DPP9: variants seen among roughly 807,000 people sequenced by gnomAD.
DPP9 encodes dipeptidyl peptidase IV-related protein-2.
Under a neutral mutation model 110.7 loss-of-function variants are expected in DPP9, and 50 were observed. The ratio of observed to expected loss-of-function variants is 0.45; its 90% CI spans 0.36 to 0.57. DPP9 has a LOEUF of 0.57. Ranked by LOEUF, DPP9 falls within the 20% of genes least tolerant of loss-of-function variation. The probability of loss-of-function intolerance (pLI) is 0.00; values close to 1 mark genes in which losing one functional copy is unlikely to be tolerated. For synonymous variants in DPP9, 561 were observed against 514.4 expected (o/e 1.09, Z -1.23); for missense variants, 1,022 against 1,217.9 (o/e 0.84, Z 2.39).
At position 4,684,588 on chromosome 19, in the gene DPP9, T is replaced by C. The variant is rs1398390561; in HGVS notation, c.2178+75A>G. The C allele has an allele frequency of 9.0e-6, 14 of 1,559,884 alleles. No individual in the cohort carries two copies. The highest frequency in any genetic ancestry group is 1.8e-5 in the Admixed American group (1 of 54,064). ...GGGTGGTATTCCAGAGCCGCTCCCA[T>C]GCCCTGCACCCACACGGCCCAGGGC... On this transcript the variant is annotated intron_variant, in intron 18 of 21. Coordinates refer to ENST00000262960, the MANE Select transcript of DPP9 (RefSeq NM_139159.5). This position sits in a 1 kb window ranked among gnomAD's most constrained non-coding sequence, Gnocchi z 4.8.
At chr19:4,720,012 C>CAT (rs2093247765) in intron 2 of DPP9, 71 bp from the exon 3 acceptor site, 1 of 1,241,064 alleles carries the variant, frequency 8.1e-7, no homozygotes, top group East Asian at 2.6e-5. Context: ...CTCCTGCCCC[C>CAT]TTCGCCCCCT....
rs779256037 is a variant in DPP9, at chr19:4,676,661, G to A, written c.2587-5C>T. On this transcript the variant is annotated splice_region_variant and splice_polypyrimidine_tract_variant and intron_variant, in intron 21 of 21. Transcript: ENST00000262960. The surrounding 1 kb of genome is among the most constrained non-coding windows in gnomAD (Gnocchi z 4.0). ...GTGTCTCTCGTTGGGGTAGATCTGC[G>A]GGGAGACAGGAGGCAGGGCTGGGGG... The A allele has an allele frequency of 1.9e-6, 3 of 1,595,246 alleles. No individual in the cohort carries two copies.
chr19:4,697,760 G>A (rs1369981176), intron 10 of DPP9, 109 bp from the exon 11 acceptor site: 4 of 843,016 alleles, frequency 4.7e-6, no homozygotes, highest in Non-Finnish European at 7.4e-6. Flanking sequence ...TTCATATGCT[G>A]GAGTCTCAGC....
intron 4 of DPP9, among the ~76,000 whole-genome samples, chr19:4,708,347 T>C (rs2092684493): frequency 1.3e-5 from 2 of 152,280 alleles, no homozygotes; most frequent in African/African-American, 4.8e-5. Context: ...GGAAAATGCT[T>C]TGGACTCATC....
Position 4,720,051 on chromosome 19 carries a change from C to T in DPP9, c.-35-110G>A, listed in dbSNP as rs1436043757. Reference sequence around the variant, plus strand: ...CATTGCTCCAGGCAGCCCCCCAAGCCTCCGGGGAGCACCCTGAAGCCAAGG... The same window carrying T: ...CATTGCTCCAGGCAGCCCCCCAAGCTTCCGGGGAGCACCCTGAAGCCAAGG... On this transcript the variant is annotated intron_variant, in intron 2 of 21. Coordinates refer to ENST00000262960, the MANE Select transcript of DPP9 (RefSeq NM_139159.5). 25 of 897,466 alleles carry T rather than the reference C, an allele frequency of 2.8e-5. No individual in the cohort carries two copies. In the East Asian group the frequency reaches 6.1e-4, roughly 22 times the overall value. 55.6% of individuals were successfully genotyped at this position (897,466 alleles called of 1,614,324 possible).
rs540540028 is a variant in DPP9 at position 4,704,548 on chromosome 19, C to T, written c.427-244G>A. The stretch of plus-strand genomic sequence containing the variant: ...GTCCTAGGAGGTGGCAGGGGAGACT[C>T]TGGGGCCAGAAGCCTCCTCACTTCC... On this transcript the variant is annotated intron_variant, in intron 5 of 21. Transcript: ENST00000262960. The surrounding 1 kb of genome is among the most constrained non-coding windows in gnomAD (Gnocchi z 6.0). Among the ~76,000 whole-genome samples the T allele has an allele frequency of 5.9e-5, 9 of 152,258 alleles. No individual in the cohort carries two copies. Among genetic ancestry groups the T allele is most frequent in the African/African-American group, 2.2e-4 (9 of 41,570 alleles).
In DPP9 at chr19:4,676,608, G is replaced by A; in HGVS notation, c.2635C>T (p.His879Tyr). Residue 879 changes from histidine (H) to tyrosine (Y), a missense_variant, in exon 22 of 22, where the codon CAC (histidine) becomes TAC (tyrosine). Around this residue, in one of 3 missense-constraint regions of DPP9, gnomAD observed 209 missense variants for 280.4 expected, o/e 0.75. Transcript: ENST00000262960. This position sits in a 1 kb window ranked among gnomAD's most constrained non-coding sequence, Gnocchi z 4.0. Reference protein sequence around the residue: ...HSIRCPESGEHYEVTLLHFLQ... With the variant: ...HSIRCPESGEYYEVTLLHFLQ... ...AAGTGCAGCAACGTGACTTCATAGT[G>A]CTCGCCCGACTCGGGGCAGCGAATA... 6.2e-7 allele frequency: 1 copy of A among 1,609,218 alleles called. No homozygotes were observed. Among genetic ancestry groups the A allele is most frequent in the Non-Finnish European group, 8.5e-7 (1 of 1,177,868 alleles).
intron 11 of DPP9, among the ~76,000 whole-genome samples, chr19:4,696,180 C>T (rs1013924610): frequency 3.3e-5 from 5 of 152,144 alleles, no homozygotes; most frequent in Admixed American, 3.3e-4. Context: ...GGTTTACAGA[C>T]GTGAGCCACC....
At position 4,682,523 on chromosome 19, in the gene DPP9, G is replaced by A. The variant is rs554250875; in HGVS notation, c.2474+173C>T. On this transcript the variant is annotated intron_variant, in intron 20 of 21. Coordinates refer to ENST00000262960, the MANE Select transcript of DPP9 (RefSeq NM_139159.5). The surrounding 1 kb of genome is among the most constrained non-coding windows in gnomAD (Gnocchi z 7.1). ...GAGGGAGGGTGGGCTGGAGGGGACT[G>A]TGAGGCACATGCAGGCAGACGCCAC... Among the ~76,000 whole-genome samples the A allele has an allele frequency of 1.1e-4, 16 of 152,270 alleles. No homozygotes were observed. The highest frequency in any genetic ancestry group is 3.8e-4 in the African/African-American group (16 of 41,560).
At chr19:4,716,498 G>A (rs936712091) in intron 3 of DPP9, among the ~76,000 whole-genome samples, 5 of 152,060 alleles carry the variant, frequency 3.3e-5, no homozygotes, top group African/African-American at 9.7e-5. Flanking sequence ...TTAGCCGGGC[G>A]TGGTAGCGGG....
intron 20 of DPP9, 91 bp from the exon 21 acceptor site, chr19:4,680,037 C>A: frequency 1.1e-6 from 1 of 877,864 alleles, no homozygotes; most frequent in East Asian, 2.7e-5. Context: ...TGAGACCAGC[C>A]TGGCCAACAT....
In DPP9 at chr19:4,698,550, G is replaced by A. The variant is rs897184256; in HGVS notation, c.1075-899C>T. 6.6e-6 allele frequency among the ~76,000 whole-genome samples: 1 copy of A among 152,062 alleles called. No individual in the cohort carries two copies. The highest frequency in any genetic ancestry group is 2.4e-5 in the African/African-American group (1 of 41,410). ...GTGGATCACTTGAGGTCAGGAGTTCGAGACCAGCCTGGGGAACATGGCAAG... is the reference window on the plus strand; with the variant it reads ...GTGGATCACTTGAGGTCAGGAGTTCAAGACCAGCCTGGGGAACATGGCAAG... On this transcript the variant is annotated intron_variant, in intron 10 of 21. Coordinates refer to ENST00000262960, the MANE Select transcript of DPP9 (RefSeq NM_139159.5). This position sits in a 1 kb window ranked among gnomAD's most constrained non-coding sequence, Gnocchi z 4.2.
chr19:4,676,659 GC>G lies in DPP9; in HGVS notation c.2587-4del. 6.3e-7 allele frequency: 1 copy of G among 1,595,822 alleles called. No individual in the cohort carries two copies. The highest frequency in any genetic ancestry group is 8.5e-7 in the Non-Finnish European group (1 of 1,171,502). On this transcript the variant is annotated splice_polypyrimidine_tract_variant and splice_region_variant and intron_variant, in intron 21 of 21. Transcript: ENST00000262960. The surrounding 1 kb of genome is among the most constrained non-coding windows in gnomAD (Gnocchi z 4.0). Reference sequence around the variant, plus strand: ...CTGTGTCTCTCGTTGGGGTAGATCTGCGGGGAGACAGGAGGCAGGGCTGGGG... The same window carrying G: ...CTGTGTCTCTCGTTGGGGTAGATCTGGGGGAGACAGGAGGCAGGGCTGGGG...
Position 4,693,721 on chromosome 19 carries a change from A to G in DPP9, c.1516+940T>C, listed in dbSNP as rs2091533419. Among the ~76,000 whole-genome samples, 2 of 151,956 alleles carry G rather than the reference A, an allele frequency of 1.3e-5. 1 individual carries two copies. The highest frequency in any genetic ancestry group is 1.3e-4 in the Admixed American group (2 of 15,260). Reference sequence around the variant, plus strand: ...CAACCAGAGGAGTCATCTGAAACTGAGGTGAGGGTGACGACTTCCTATTTC... The same window carrying G: ...CAACCAGAGGAGTCATCTGAAACTGGGGTGAGGGTGACGACTTCCTATTTC... On this transcript the variant is annotated intron_variant, in intron 13 of 21. Transcript: ENST00000262960. The surrounding 1 kb of genome is among the most constrained non-coding windows in gnomAD (Gnocchi z 5.0).
At chr19:4,723,429 G>A (rs1200970825) in intron 1 of DPP9, among the ~76,000 whole-genome samples, 10 of 152,118 alleles carry the variant, frequency 6.6e-5, no homozygotes, top group African/African-American at 2.4e-4. Context: ...CATCAGGGAA[G>A]GGGAGAAACT....
chr19:4,721,023 T>C (rs750151698), intron 2 of DPP9, among the ~76,000 whole-genome samples: 6 of 152,070 alleles, frequency 3.9e-5, no homozygotes, highest in Non-Finnish European at 7.4e-5. Context: ...TGGGGATCCA[T>C]GGAATCCCCT....
At position 4,694,749 on chromosome 19, in the gene DPP9, G is replaced by A; in HGVS notation, c.1428C>T (p.Cys476=). 1.2e-6 allele frequency: 2 copies of A among 1,613,932 alleles called. No individual in the cohort carries two copies. The highest frequency in any genetic ancestry group is 8.5e-7 in the Non-Finnish European group (1 of 1,179,866). ...TGTACAAATGGCAGAAGCCGGTCTT[G>A]CATTCATTGGCGCGGAGAAAGCAGA... ...DELCFLRANE[C]KTGFCHLYKV... Residue 476 remains cysteine (C), a synonymous_variant, in exon 13 of 22, where the codon TGC becomes TGT. Coordinates refer to ENST00000262960, the MANE Select transcript of DPP9 (RefSeq NM_139159.5). The surrounding 1 kb of genome is among the most constrained non-coding windows in gnomAD (Gnocchi z 4.0).
At chr19:4,703,118 C>T (rs1277953204) in intron 7 of DPP9, among the ~76,000 whole-genome samples, 2 of 151,988 alleles carry the variant, frequency 1.3e-5, no homozygotes, top group Admixed American at 6.6e-5. Context: ...GGAGAGGCAG[C>T]GATCAGTGAC....
chr19:4,716,612 G>A (rs1022017404), intron 3 of DPP9, among the ~76,000 whole-genome samples: 1 of 151,770 alleles, frequency 6.6e-6, no homozygotes, highest in African/African-American at 2.4e-5. Flanking sequence ...ACTCCAGCCT[G>A]GGCGACAGAG....
Sources: allele counts gnomAD v4.1 joint callset (sites outside exome capture counted in the v4.1 genomes callset), GRCh38; gene constraint gnomAD v4.1.1; regional missense constraint gnomAD v4.1.1; non-coding constraint Gnocchi (gnomAD v3.1); transcripts MANE v1.5; gene names NCBI Gene and HGNC (gene_info 2026-07-23, HGNC 2026-07-21).